NTNG1: variants seen among roughly 807,000 people sequenced by gnomAD.
NTNG1 encodes netrin G1, also known as netrin-G1.
NTNG1 carries 16 observed loss-of-function variants against 54.0 expected under a neutral mutation model. The observed-to-expected ratio is 0.30, with a 90% confidence interval of 0.20 to 0.45. The LOEUF is 0.45. Ranked by LOEUF, NTNG1 falls within the 20% of genes least tolerant of loss-of-function variation. The pLI, the probability that NTNG1 is intolerant of heterozygous loss-of-function variation, is 1.00. For missense variants in NTNG1, 530 were observed against 678.7 expected, an observed-to-expected ratio of 0.78 and a Z score of 2.43; for synonymous variants, 255 against 263.1, an observed-to-expected ratio of 0.97 and a Z score of 0.30.
At chr1:107,216,968 C>A (rs1470618225) in intron 2 of NTNG1, among the ~76,000 whole-genome samples, 1 of 152,166 alleles carries the variant, frequency 6.6e-6, no homozygotes, top group Non-Finnish European at 1.5e-5. Context: ...TGAGCCACCA[C>A]ACCCAGCAGA....
chr1:107,226,797 G>A (rs901776936), intron 2 of NTNG1, among the ~76,000 whole-genome samples: 1 of 151,998 alleles, frequency 6.6e-6, no homozygotes, highest in African/African-American at 2.4e-5. Flanking sequence ...TTTCTTCCTC[G>A]CATGTTCTGA....
At chr1:107,261,884 A>G (rs778802096) in intron 2 of NTNG1, among the ~76,000 whole-genome samples, 4 of 152,202 alleles carry the variant, frequency 2.6e-5, no homozygotes, top group Non-Finnish European at 5.9e-5. Context: ...CAACTATATT[A>G]TAAGACATCA....
At chr1:107,161,010 G>A (rs1655360693) in intron 2 of NTNG1, among the ~76,000 whole-genome samples, 1 of 151,968 alleles carries the variant, frequency 6.6e-6, no homozygotes, top group South Asian at 2.1e-4. Flanking sequence ...CTCCTTACAG[G>A]CCACTTTCTG....
At chr1:107,276,649 G>A (rs1664496144) in intron 2 of NTNG1, among the ~76,000 whole-genome samples, 1 of 151,770 alleles carries the variant, frequency 6.6e-6, no homozygotes, top group Non-Finnish European at 1.5e-5. Context: ...AAATTATAGG[G>A]GTCAAAGACG....
At chr1:107,376,809 C>G (rs540177782) in intron 3 of NTNG1, among the ~76,000 whole-genome samples, 1 of 151,916 alleles carries the variant, frequency 6.6e-6, no homozygotes, top group Non-Finnish European at 1.5e-5. Flanking sequence ...CTTTTGCTGC[C>G]CCCCCAGCCA....
At chr1:107,153,251 G>T (rs1654725732) in intron 2 of NTNG1, among the ~76,000 whole-genome samples, 1 of 152,124 alleles carries the variant, frequency 6.6e-6, no homozygotes, top group African/African-American at 2.4e-5. Context: ...ATTTACCTTT[G>T]GCTCAGGTTG....
intron 7 of NTNG1, among the ~76,000 whole-genome samples, chr1:107,460,672 T>C (rs1189959765): frequency 6.6e-6 from 1 of 152,132 alleles, no homozygotes; most frequent in Non-Finnish European, 1.5e-5. Flanking sequence ...AAACTGGAAA[T>C]TAGGAGGTAG....
chr1:107,325,281 G>T (rs993529461), intron 3 of NTNG1, among the ~76,000 whole-genome samples: 3 of 152,050 alleles, frequency 2.0e-5, no homozygotes, highest in African/African-American at 7.2e-5. Context: ...ACATACCATT[G>T]TTTACAAATG....
chr1:107,189,476 G>A (rs952718033), intron 2 of NTNG1, among the ~76,000 whole-genome samples: 2 of 151,034 alleles, frequency 1.3e-5, no homozygotes, highest in African/African-American at 4.9e-5. Flanking sequence ...AAAAAAGGCG[G>A]GGGAGGGGTG....
At chr1:107,292,878 G>A (rs1454602060) in intron 2 of NTNG1, among the ~76,000 whole-genome samples, 1 of 152,070 alleles carries the variant, frequency 6.6e-6, no homozygotes, top group Non-Finnish European at 1.5e-5. Context: ...TACCCCCGTG[G>A]CCTACTTCCA....
intron 3 of NTNG1, among the ~76,000 whole-genome samples, chr1:107,388,160 T>C (rs1177515932): frequency 2.0e-5 from 3 of 152,202 alleles, no homozygotes; most frequent in Non-Finnish European, 4.4e-5. Context: ...TCCCATTAAT[T>C]AATGCCCACA....
At chr1:107,341,955 G>A (rs373198305) in intron 3 of NTNG1, among the ~76,000 whole-genome samples, 53 of 152,002 alleles carry the variant, frequency 3.5e-4, no homozygotes, top group East Asian at 7.8e-4. Flanking sequence ...CAGGGGTTCC[G>A]CAGGAAAAGG....
chr1:107,208,649 C>G (rs28698407), intron 2 of NTNG1, among the ~76,000 whole-genome samples: 7,573 of 152,154 alleles, frequency 0.05, 604 homozygotes, highest in African/African-American at 0.17. Context: ...GTGACCAGCA[C>G]CACACTGCAC....
chr1:107,439,534 G>T (rs1215922594), intron 7 of NTNG1, among the ~76,000 whole-genome samples: 1 of 152,084 alleles, frequency 6.6e-6, no homozygotes, highest in Non-Finnish European at 1.5e-5. Context: ...AGAAAAGAAT[G>T]GAATGGGTTG....
chr1:107,185,666 G>T (rs1227365691), intron 2 of NTNG1, among the ~76,000 whole-genome samples: 1 of 152,114 alleles, frequency 6.6e-6, no homozygotes, highest in East Asian at 1.9e-4. Context: ...CTTTAGCCTT[G>T]AAAGTTACGT....
chr1:107,140,739 A>G (rs563082821), upstream of NTNG1: 1 of 151,050 alleles, frequency 6.6e-6, no homozygotes, highest in Non-Finnish European at 1.5e-5. Context: ...GGGAACCAGA[A>G]AATCGTCCTG....
At chr1:107,335,956 A>G (rs968600842) in intron 3 of NTNG1, among the ~76,000 whole-genome samples, 1 of 151,962 alleles carries the variant, frequency 6.6e-6, no homozygotes, top group Non-Finnish European at 1.5e-5. Context: ...ATGGGAAGAC[A>G]TCCTATGTTC....
chr1:107,140,434 G>A (rs911969445), upstream of NTNG1, among the ~76,000 whole-genome samples: 6 of 152,068 alleles, frequency 3.9e-5, no homozygotes, highest in East Asian at 7.8e-4. Flanking sequence ...TGGTGGGGGC[G>A]GGGAGTCCGG....
At chr1:107,307,868 A>G (rs1666778269) in intron 2 of NTNG1, among the ~76,000 whole-genome samples, 1 of 152,102 alleles carries the variant, frequency 6.6e-6, no homozygotes, top group African/African-American at 2.4e-5. Flanking sequence ...TCTAATCTCT[A>G]GTAACTACGT....
Sources: allele counts gnomAD v4.1 joint callset (sites outside exome capture counted in the v4.1 genomes callset), GRCh38; gene constraint gnomAD v4.1.1; transcripts MANE v1.5; gene names NCBI Gene and HGNC (gene_info 2026-07-23, HGNC 2026-07-21).